Variants in GNB1 observed in about 807,000 individuals in gnomAD.
The protein encoded by GNB1 is G protein subunit beta 1, also known as guanine nucleotide-binding protein G(I)/G(S)/G(T) subunit beta-1.
In GNB1, 2 loss-of-function variants were observed where a neutral mutation model predicts 42.9. The ratio of observed to expected loss-of-function variants is 0.05; its 90% confidence interval spans 0.02 to 0.15. The LOEUF is 0.15. Among genes scored for constraint, GNB1 ranks in the 10% least tolerant of loss-of-function variants. The probability of loss-of-function intolerance (pLI) is 1.00; values close to 1 mark genes in which losing one functional copy is unlikely to be tolerated. For missense variants in GNB1, 193 were observed against 462.2 expected (o/e 0.42, Z 5.34); for synonymous variants, 183 against 174.7 (o/e 1.05, Z -0.38).
rs767751820 is a variant in GNB1 at position 1,790,371 on chromosome 1, C to A, written c.699+24G>T. On this transcript the variant is annotated intron_variant, in intron 9 of 11. Coordinates refer to ENST00000378609, the MANE Select transcript of GNB1 (RefSeq NM_002074.5). This position sits in a 1 kb window ranked among gnomAD's most constrained non-coding sequence, Gnocchi z 5.4. ...CTAGCAGAGACGGCAGAGGACCCGA[C>A]CCCACACCTCCACCCAGACTCACGC... The A allele has an allele frequency of 6.4e-7, 1 of 1,563,966 alleles. No individual in the cohort carries two copies. Among genetic ancestry groups the A allele is most frequent in the African/African-American group, 1.4e-5 (1 of 73,948 alleles).
rs183970030 is a variant in GNB1, at chr1:1,879,498, C to T, written c.-96+11322G>A. 4.7e-3 allele frequency among the ~76,000 whole-genome samples: 718 copies of T among 152,044 alleles called. 2 individuals are homozygous for T. The highest frequency in any genetic ancestry group is 6.2e-3 in the Non-Finnish European group (420 of 67,978). On this transcript the variant is annotated intron_variant, in intron 1 of 11. Transcript: ENST00000378609. ...GAGGCGGGCAGATCACGAGATCAGG[C>T]GATCGAGAGCATCCTGCCTAACACG...
intron 1 of GNB1, among the ~76,000 whole-genome samples, chr1:1,841,307 G>A (rs968465918): frequency 6.6e-6 from 1 of 152,164 alleles, no homozygotes. Context: ...TCCTGCCTCA[G>A]CCTCCTGAGT....
chr1:1,789,510 T>C (rs1314020829), intron 9 of GNB1, among the ~76,000 whole-genome samples: 5 of 151,924 alleles, frequency 3.3e-5, no homozygotes, highest in African/African-American at 1.2e-4. Flanking sequence ...CTGACCAACA[T>C]AGAGAAACCC....
At chr1:1,794,405 A>C (rs1646520373) in intron 7 of GNB1, among the ~76,000 whole-genome samples, 1 of 152,178 alleles carries the variant, frequency 6.6e-6, no homozygotes, top group Admixed American at 6.5e-5. Context: ...TGTGGAACTA[A>C]AAGCATAGGG....
At chr1:1,833,605 G>A (rs1054984905) in intron 2 of GNB1, among the ~76,000 whole-genome samples, 1 of 152,178 alleles carries the variant, frequency 6.6e-6, no homozygotes, top group Non-Finnish European at 1.5e-5. Flanking sequence ...GTTTGAGGGA[G>A]ACAGAAGACA....
Position 1,887,756 on chromosome 1 carries a change from C to A in GNB1, c.-96+3064G>T, listed in dbSNP as rs1650236376. On this transcript the variant is annotated intron_variant, in intron 1 of 11. Coordinates refer to ENST00000378609, the MANE Select transcript of GNB1 (RefSeq NM_002074.5). ...TAAACCTCCCGAGTAGCTGGGATTA[C>A]AGGCGCCCACCACCACGCCGGCTAA... Among the ~76,000 whole-genome samples the A allele has an allele frequency of 3.3e-5, 5 of 152,152 alleles. 1 individual carries two copies. In the South Asian group the frequency reaches 1.0e-3, roughly 32 times the overall value.
rs888273416 is a variant in GNB1 at position 1,891,014 on chromosome 1, CCCG to C, written c.-293_-291del. 139 of 152,968 alleles carry C rather than the reference CCCG, an allele frequency of 9.1e-4. 1 individual carries two copies. Among genetic ancestry groups the C allele is most frequent in the Middle Eastern group, 6.5e-3 (2 of 310 alleles). 9.5% of individuals were successfully genotyped at this position (152,968 alleles called of 1,614,324 possible). A position where few individuals can be genotyped will look rare whatever the true frequency, so the allele number is the denominator to read the frequency against. On this transcript the variant is annotated 5_prime_UTR_variant, in exon 1 of 12. Coordinates refer to ENST00000378609, the MANE Select transcript of GNB1 (RefSeq NM_002074.5). ...TCCCCACTCGCCGCCCGCTCCCGCT[CCCG>C]CCGCCGCCGCCGCCGCCTCCGTCCG...
intron 1 of GNB1, among the ~76,000 whole-genome samples, chr1:1,859,280 C>CGA (rs1648476644): frequency 6.6e-6 from 1 of 152,236 alleles, no homozygotes; most frequent in African/African-American, 2.4e-5. Context: ...CCTGAGCCTC[C>CGA]GAAAGTGCTG....
Position 1,854,127 on chromosome 1 carries a change from C to T in GNB1, c.-95-14889G>A, listed in dbSNP as rs149526666. 5.5e-4 allele frequency among the ~76,000 whole-genome samples: 83 copies of T among 152,276 alleles called. 1 individual carries two copies. The East Asian group carries it at 6.2e-3, about 11-fold the overall frequency. On this transcript the variant is annotated intron_variant, in intron 1 of 11. Transcript: ENST00000378609. ...CGAGGAAGGCATTAAGCGAACAGTG[C>T]AAGTCTTTATTTTGATACATCAACT...
chr1:1,826,826 T>C (rs1647005581), intron 2 of GNB1, among the ~76,000 whole-genome samples: 1 of 152,216 alleles, frequency 6.6e-6, no homozygotes, highest in African/African-American at 2.4e-5. Flanking sequence ...AGACTTATTT[T>C]CCCAAGAGAA....
intron 1 of GNB1, among the ~76,000 whole-genome samples, chr1:1,855,321 C>CAAAAA (rs371204734): frequency 1.0e-5 from 1 of 99,596 alleles, no homozygotes; most frequent in Non-Finnish European, 2.1e-5. Context: ...GACACTGTGT[C>CAAAAA]AAAAAAAAAA....
chr1:1,846,905 G>T lies in GNB1; in HGVS notation c.-95-7667C>A, dbSNP rs373049729. 8.5e-5 allele frequency among the ~76,000 whole-genome samples: 13 copies of T among 152,274 alleles called. 1 individual carries two copies. Among genetic ancestry groups the T allele is most frequent in the Admixed American group, 2.6e-4 (4 of 15,280 alleles). On this transcript the variant is annotated intron_variant, in intron 1 of 11. Transcript: ENST00000378609. Reference sequence around the variant, plus strand: ...TAGAGAATTTAATGCCAGCAAAAGGGTGGCTTGATCAGTTTAGAAAGAGGG... The same window carrying T: ...TAGAGAATTTAATGCCAGCAAAAGGTTGGCTTGATCAGTTTAGAAAGAGGG...
At chr1:1,872,260 G>T (rs1373181926) in intron 1 of GNB1, among the ~76,000 whole-genome samples, 1 of 152,152 alleles carries the variant, frequency 6.6e-6, no homozygotes, top group African/African-American at 2.4e-5. Context: ...CTATAAGCAT[G>T]AACCACTGCA....
At chr1:1,883,844 G>C (rs1361795239) in intron 1 of GNB1, among the ~76,000 whole-genome samples, 1 of 152,082 alleles carries the variant, frequency 6.6e-6, no homozygotes, top group African/African-American at 2.4e-5. Context: ...CAATCCTTTT[G>C]AAAACTACTG....
At chr1:1,797,960 C>A (rs751073250) in intron 7 of GNB1, among the ~76,000 whole-genome samples, 1 of 152,152 alleles carries the variant, frequency 6.6e-6, no homozygotes, top group African/African-American at 2.4e-5. Context: ...GCACCTGTGC[C>A]GCCCCAGGAT....
At chr1:1,866,882 A>T (rs1366383349) in intron 1 of GNB1, among the ~76,000 whole-genome samples, 1 of 152,052 alleles carries the variant, frequency 6.6e-6, no homozygotes, top group Non-Finnish European at 1.5e-5. Flanking sequence ...TCAACCCGGG[A>T]GGCGGAGCTT....
At chr1:1,808,457 C>T (rs934596122) in intron 5 of GNB1, among the ~76,000 whole-genome samples, 1 of 152,158 alleles carries the variant, frequency 6.6e-6, no homozygotes. Context: ...TGAAAGGTAA[C>T]TCCTGGGAAC....
intron 1 of GNB1, among the ~76,000 whole-genome samples, chr1:1,864,441 G>C (rs1338727487): frequency 6.6e-6 from 1 of 151,828 alleles, no homozygotes; most frequent in Non-Finnish European, 1.5e-5. Context: ...GTACACAGTA[G>C]GTAGTTAAAA....
intron 1 of GNB1, among the ~76,000 whole-genome samples, chr1:1,881,756 C>G (rs1570758624): frequency 6.6e-6 from 1 of 152,312 alleles, no homozygotes; most frequent in East Asian, 1.9e-4. Flanking sequence ...GGTCTAACCA[C>G]TCTCCTAGCC....
Sources: allele counts gnomAD v4.1 joint callset (sites outside exome capture counted in the v4.1 genomes callset), GRCh38; gene constraint gnomAD v4.1.1; non-coding constraint Gnocchi (gnomAD v3.1); transcripts MANE v1.5; gene names NCBI Gene and HGNC (gene_info 2026-07-23, HGNC 2026-07-21).